CHD5: variants seen among roughly 807,000 people sequenced by gnomAD.
CHD5 encodes chromodomain helicase DNA binding protein 5.
In CHD5, 69 loss-of-function variants were observed where a neutral mutation model predicts 230.3. The observed-to-expected ratio is 0.30, with a 90% CI of 0.25 to 0.37. The LOEUF (loss-of-function observed/expected upper bound fraction) is 0.37, where lower values mean the gene tolerates loss of function less well. Among genes scored for constraint, CHD5 ranks in the 10% least tolerant of loss-of-function variants. The pLI is 1.00. For synonymous variants in CHD5, 1,064 were observed against 1,065.9 expected, an observed-to-expected ratio of 1.00 and a Z score of 0.03; for missense variants, 1,827 against 2,622.8, an observed-to-expected ratio of 0.70 and a Z score of 6.63.
chr1:6,123,651 C>T (rs1393417264), intron 31 of CHD5, among the ~76,000 whole-genome samples: 1 of 152,116 alleles, frequency 6.6e-6, no homozygotes, highest in Non-Finnish European at 1.5e-5. Context: ...TGGTCTCAAA[C>T]TCCTGAGCTC....
At chr1:6,172,277 A>T (rs1399173849) in intron 1 of CHD5, among the ~76,000 whole-genome samples, 1 of 152,226 alleles carries the variant, frequency 6.6e-6, no homozygotes, top group African/African-American at 2.4e-5. Context: ...ATTAATTTGT[A>T]TCAGTTCAAC....
intron 11 of CHD5, among the ~76,000 whole-genome samples, chr1:6,144,498 A>T (rs1666880287): frequency 6.6e-6 from 1 of 152,204 alleles, no homozygotes; most frequent in African/African-American, 2.4e-5. Context: ...CTGGATTTCT[A>T]AGTTGGAAAG....
In CHD5 at chr1:6,106,775, C is replaced by T; in HGVS notation, c.5583G>A (p.Leu1861=). Residue 1861 remains leucine, a synonymous_variant, in exon 39 of 42, where the codon CTG becomes CTA. Coordinates refer to ENST00000262450, the MANE Select transcript of CHD5 (RefSeq NM_015557.3). The part of the protein sequence containing the change: ...KPANAVLHKV[L]NQLEELLSDM... ...CGCTCAGCAGCTCCTCCAGCTGGTT[C>T]AGGACTGTGGTGGGAGGCGGAGGGA... 6.2e-7 allele frequency: 1 copy of T among 1,608,196 alleles called. No homozygotes were observed. The highest frequency in any genetic ancestry group is 8.5e-7 in the Non-Finnish European group (1 of 1,178,688).
intron 33 of CHD5, among the ~76,000 whole-genome samples, chr1:6,116,401 T>TA (rs1391143292): frequency 6.6e-6 from 1 of 152,136 alleles, no homozygotes; most frequent in Admixed American, 6.5e-5. Context: ...ATGCAGGACA[T>TA]AAATATTCAG....
chr1:6,116,539 T>G (rs969232158), intron 33 of CHD5, among the ~76,000 whole-genome samples: 2 of 152,198 alleles, frequency 1.3e-5, no homozygotes, highest in Non-Finnish European at 2.9e-5. Context: ...TTCAAAGCAG[T>G]CTTTCAATGT....
Position 6,141,597 on chromosome 1 carries a change from A to G in CHD5, c.2436+531T>C, listed in dbSNP as rs190428474. ...CCCACTGCACTCCAGCCTGGGCGAT[A>G]CAGTGTCTCAAAAAAATAAATAAAT... is the stretch of plus-strand genomic sequence containing the variant. On this transcript the variant is annotated intron_variant, in intron 15 of 41. Coordinates refer to ENST00000262450, the MANE Select transcript of CHD5 (RefSeq NM_015557.3). Among the ~76,000 whole-genome samples the G allele has an allele frequency of 2.9e-3, 435 of 152,266 alleles. 1 individual carries two copies. Among genetic ancestry groups the G allele is most frequent in the Admixed American group, 7.6e-3 (117 of 15,300 alleles).
At chr1:6,118,193 T>C (rs187889613) in intron 33 of CHD5, among the ~76,000 whole-genome samples, 1 of 152,106 alleles carries the variant, frequency 6.6e-6, no homozygotes, top group Admixed American at 6.5e-5. Flanking sequence ...CTGGGCAACA[T>C]GGCAAAACCC....
In CHD5 at chr1:6,149,249, G is replaced by C; in HGVS notation, c.1158C>G (p.His386Gln). ...KAPEGKWSCPHCEKEGIQWEP... is the reference protein window; with the variant it reads ...KAPEGKWSCPQCEKEGIQWEP... ...CCGGGGCTCTGCCAAGGCTTACACA[G>C]TGGGGGCAGCTCCACTTGCCCTCGG... The change falls in exon 8 of 42, where the codon CAC (histidine) becomes CAG (glutamine). Residue 386 changes from histidine (H) to glutamine (Q), a missense_variant. Physicochemically the swap from His to Gln is conservative, Grantham distance 24. Around this residue, in one of 14 missense-constraint regions of CHD5, gnomAD observed 657 missense variants for 816.4 expected, o/e 0.80. Coordinates refer to ENST00000262450, the MANE Select transcript of CHD5 (RefSeq NM_015557.3). The C allele has an allele frequency of 6.2e-7, 1 of 1,603,240 alleles. No homozygotes were observed. Among genetic ancestry groups the C allele is most frequent in the South Asian group, 1.1e-5 (1 of 89,840 alleles).
chr1:6,161,765 C>T (rs549279768), intron 2 of CHD5, among the ~76,000 whole-genome samples: 2,431 of 152,306 alleles, frequency 0.016, 48 homozygotes, highest in African/African-American at 0.055. Context: ...CACGCTCTCC[C>T]TGAGCCCTCA....
intron 1 of CHD5, among the ~76,000 whole-genome samples, chr1:6,168,661 ACCT>A (rs1667290639): frequency 6.6e-6 from 1 of 152,304 alleles, no homozygotes; most frequent in East Asian, 1.9e-4. Flanking sequence ...CAGAGTACAG[ACCT>A]CAGTGAGGCC....
Position 6,137,008 on chromosome 1 carries a change from AG to A in CHD5, c.2437-144del, listed in dbSNP as rs1237044036. The stretch of plus-strand genomic sequence containing the variant: ...CCTGGGCCGGCCAGCCTAGGACCAG[AG>A]GGGCAGATGCTGACCACCAAGCAGA... On this transcript the variant is annotated intron_variant, in intron 15 of 41. Coordinates refer to ENST00000262450, the MANE Select transcript of CHD5 (RefSeq NM_015557.3). 6.5e-6 allele frequency: 5 copies of A among 771,478 alleles called. No individual in the cohort carries two copies. The African/African-American group carries it at 8.7e-5, about 13-fold the overall frequency. 47.8% of individuals were successfully genotyped at this position (771,478 alleles called of 1,614,324 possible).
chr1:6,142,648 C>CCACCAGAGTCCA lies in CHD5; in HGVS notation c.2044-55_2044-44dup. The CCACCAGAGTCCA allele has an allele frequency of 6.4e-7, 1 of 1,571,040 alleles. No individual in the cohort carries two copies. The highest frequency in any genetic ancestry group is 8.6e-7 in the Non-Finnish European group (1 of 1,156,734). On this transcript the variant is annotated intron_variant, in intron 13 of 41. Transcript: ENST00000262450. The surrounding 1 kb of genome is among the most constrained non-coding windows in gnomAD (Gnocchi z 5.2). ...GTTCAGACACGCCCCAGATCCTGGG[C>CCACCAGAGTCCA]CACCAGAGTCCACACTACAGGCCTT... is the stretch of plus-strand genomic sequence containing the variant.
In CHD5 at chr1:6,131,947, C is replaced by A. The variant is rs572239570; in HGVS notation, c.3145-199G>T. Among the ~76,000 whole-genome samples, 1 of 152,342 alleles carries A rather than the reference C, an allele frequency of 6.6e-6. No homozygotes were observed. Among genetic ancestry groups the A allele is most frequent in the South Asian group, 2.1e-4 (1 of 4,834 alleles). On this transcript the variant is annotated intron_variant, in intron 20 of 41. Transcript: ENST00000262450. The surrounding 1 kb of genome is among the most constrained non-coding windows in gnomAD (Gnocchi z 5.0). The stretch of plus-strand genomic sequence containing the variant: ...CACCCCTTGGAGCCAATCCATCCTC[C>A]TGCCTAGCCCCACAGCCACTTACCT...
rs779147599 is a variant in CHD5, at chr1:6,172,239, C to T, written c.80-3962G>A. On this transcript the variant is annotated intron_variant, in intron 1 of 41. Coordinates refer to ENST00000262450, the MANE Select transcript of CHD5 (RefSeq NM_015557.3). ...ATAACTGCATACCACCTGCCAGGCTCGTGCCAGGCCCAAAGTACCTAGGAC... is the reference window on the plus strand; with the variant it reads ...ATAACTGCATACCACCTGCCAGGCTTGTGCCAGGCCCAAAGTACCTAGGAC... 1.4e-4 allele frequency among the ~76,000 whole-genome samples: 21 copies of T among 152,250 alleles called. No homozygotes were observed. In the South Asian group the frequency reaches 2.9e-3, roughly 21 times the overall value.
intron 31 of CHD5, among the ~76,000 whole-genome samples, chr1:6,122,550 G>C (rs993976602): frequency 6.6e-6 from 1 of 152,178 alleles, no homozygotes; most frequent in Non-Finnish European, 1.5e-5. Flanking sequence ...ATGTAAAATG[G>C]TACAGCTGCT....
At chr1:6,135,471 G>A (rs965662061) in intron 17 of CHD5, 68 bp from the exon 18 acceptor site, 51 of 1,436,274 alleles carry the variant, frequency 3.6e-5, no homozygotes, top group Non-Finnish European at 4.1e-5. Flanking sequence ...GGTGCAGAGC[G>A]CCTAGCCCAT....
At chr1:6,165,657 C>G (rs906958851) in intron 2 of CHD5, among the ~76,000 whole-genome samples, 2 of 151,862 alleles carry the variant, frequency 1.3e-5, no homozygotes, top group African/African-American at 4.9e-5. Flanking sequence ...CAGGGCCTTG[C>G]AGCTCCAGAG....
At chr1:6,110,299 G>C in intron 37 of CHD5, 95 bp downstream of exon 37, 2 of 1,415,066 alleles carry the variant, frequency 1.4e-6, no homozygotes, top group Admixed American at 1.8e-5. Context: ...TACACGGGGA[G>C]GGGTTGCTGC....
chr1:6,122,880 G>A (rs1455750236), intron 31 of CHD5, among the ~76,000 whole-genome samples: 3 of 152,242 alleles, frequency 2.0e-5, no homozygotes, highest in South Asian at 2.1e-4. Context: ...GACCAGCCTG[G>A]CCAACATGGC....
Sources: gnomAD v4.1 joint callset for allele counts (sites outside exome capture counted in the v4.1 genomes callset) on GRCh38, gnomAD v4.1.1 for gene constraint, gnomAD v4.1.1 regional missense constraint, Gnocchi (gnomAD v3.1) non-coding constraint, MANE v1.5 for transcripts, NCBI Gene and HGNC (gene_info 2026-07-23, HGNC 2026-07-21) for gene names.